The following UTP4 variants were observed in gnomAD, a reference collection of about 807,000 sequenced individuals.
The protein encoded by UTP4 is U3 small nucleolar RNA-associated protein 4 homolog.
UTP4 carries 45 observed loss-of-function variants against 82.4 expected under a neutral mutation model. That is an observed-to-expected ratio of 0.55 (90% CI 0.43 to 0.70). The LOEUF is 0.70. UTP4 is among the 30% of genes least tolerant of loss of function. The probability of loss-of-function intolerance (pLI) is 0.00; values close to 1 mark genes in which losing one functional copy is unlikely to be tolerated. For missense variants in UTP4, 819 were observed against 858.3 expected (o/e 0.95, Z 0.57); for synonymous variants, 348 against 300.3 (o/e 1.16, Z -1.64).
intron 14 of UTP4, among the ~76,000 whole-genome samples, chr16:69,163,880 G>GTTTTTTTTTTTTT (rs201368311): frequency 1.5e-5 from 2 of 132,600 alleles, no homozygotes; most frequent in Non-Finnish European, 1.6e-5. Context: ...TTGATGGTCA[G>GTTTTTTTTTTTTT]TTTGTTTTTT....
In UTP4 at chr16:69,166,886, T is replaced by C. The variant is rs191662319; in HGVS notation, c.1834-189T>C. 3,892 of 594,644 alleles carry C rather than the reference T, an allele frequency of 6.5e-3. 27 individuals carry two copies. The highest frequency in any genetic ancestry group is 8.4e-3 in the Non-Finnish European group (2,806 of 335,796). 36.8% of individuals were successfully genotyped at this position (594,644 alleles called of 1,614,324 possible). ...CCTCTCTCTCCTTTTCTTCTTTTTT[T>C]CCCCCCTAGTTTTTCTGAATAGAGG... On this transcript the variant is annotated intron_variant, in intron 15 of 16. Transcript: ENST00000314423.
Position 69,139,860 on chromosome 16 carries a change from A to G in UTP4, c.472A>G (p.Thr158Ala). Residue 158 changes from threonine (T) to alanine (A), a missense_variant, in exon 5 of 17, where the codon ACC (threonine) becomes GCC (alanine). Coordinates refer to ENST00000314423, the MANE Select transcript of UTP4 (RefSeq NM_032830.3). ...ILSLSWHPSG[T>A]HIAAGSIDYI... ...GAGTCTCAGCTGGCATCCCTCTGGT[A>G]CCCACATTGCAGCTGGTTCCATAGA... 2.5e-6 allele frequency: 4 copies of G among 1,613,884 alleles called. No homozygotes were observed. The highest frequency in any genetic ancestry group is 3.4e-6 in the Non-Finnish European group (4 of 1,179,880).
intron 8 of UTP4, among the ~76,000 whole-genome samples, chr16:69,151,625 C>CTT (rs35834911): frequency 6.9e-6 from 1 of 145,312 alleles, no homozygotes; most frequent in Non-Finnish European, 1.5e-5. Context: ...CAGCCCCTGC[C>CTT]TTTTTTTTTT....
In UTP4 at chr16:69,139,872, G is replaced by A; in HGVS notation, c.484G>A (p.Ala162Thr). The stretch of plus-strand genomic sequence containing the variant: ...GCATCCCTCTGGTACCCACATTGCA[G>A]CTGGTTCCATAGACTACATTAGTGT... ...SWHPSGTHIA[A>T]GSIDYISVFD... The change falls in exon 5 of 17, where the codon GCT becomes ACT. Residue 162 changes from alanine to threonine, a missense_variant. Physicochemically the swap from Ala to Thr is moderately conservative, Grantham distance 58. Transcript: ENST00000314423. 1.2e-6 allele frequency: 2 copies of A among 1,613,898 alleles called. No individual in the cohort carries two copies. Among genetic ancestry groups the A allele is most frequent in the Non-Finnish European group, 1.7e-6 (2 of 1,179,854 alleles).
In UTP4 at chr16:69,155,842, A is replaced by G. The variant is rs548641206; in HGVS notation, c.1165-29A>G. 111 of 1,613,950 alleles carry G rather than the reference A, an allele frequency of 6.9e-5. 2 individuals are homozygous for G. In the South Asian group the frequency reaches 1.1e-3, roughly 16 times the overall value. ...ACCTTGTTATGTGAAGTTTAATTGC[A>G]CATTCATCTTGATTCCTGATATTGC... is the stretch of plus-strand genomic sequence containing the variant. On this transcript the variant is annotated intron_variant, in intron 10 of 16. Transcript: ENST00000314423.
At chr16:69,150,738 T>C (rs760472594) in intron 7 of UTP4, 30 bp downstream of exon 7, 6 of 1,613,766 alleles carry the variant, frequency 3.7e-6, no homozygotes, top group Non-Finnish European at 5.1e-6. Context: ...AGGCTGCTGC[T>C]TTACCCTGCC....
intron 6 of UTP4, among the ~76,000 whole-genome samples, chr16:69,148,350 G>A (rs1963175563): frequency 6.6e-6 from 1 of 151,664 alleles, no homozygotes; most frequent in Non-Finnish European, 1.5e-5. Flanking sequence ...GCCCGCCTCG[G>A]CTTCCCAAAG....
At chr16:69,133,719 C>T (rs551332178) in intron 2 of UTP4, 101 bp downstream of exon 2, 10 of 1,245,568 alleles carry the variant, frequency 8.0e-6, no homozygotes, top group South Asian at 1.2e-5. Flanking sequence ...GAGTGACTTC[C>T]TAGCCCCTCT....
chr16:69,140,313 A>G (rs1165259484), intron 5 of UTP4, among the ~76,000 whole-genome samples: 2 of 152,208 alleles, frequency 1.3e-5, no homozygotes, highest in African/African-American at 4.8e-5. Context: ...GAGAACCATG[A>G]TATTTTCTGT....
Position 69,157,095 on chromosome 16 carries a change from G to T in UTP4, c.1299G>T (p.Met433Ile). 6.2e-7 allele frequency: 1 copy of T among 1,614,186 alleles called. No individual in the cohort carries two copies. The highest frequency in any genetic ancestry group is 1.1e-5 in the South Asian group (1 of 91,076). The change falls in exon 12 of 17, where the codon ATG becomes ATT. Residue 433 changes from methionine (M) to isoleucine (I), a missense_variant. By Grantham distance (10) the Met-to-Ile change is conservative. Transcript: ENST00000314423. ...DNISLKRVSK[M>I]PAFLRSALQI... ...TGGTTCACCCAAAGGTTTCCAAAAT[G>T]CCAGCATTCCTTCGCTCTGCCCTTC...
intron 8 of UTP4, 54 bp downstream of exon 8, chr16:69,150,958 C>T: frequency 1.5e-6 from 2 of 1,353,852 alleles, no homozygotes; most frequent in African/African-American, 1.4e-5. Flanking sequence ...TCCCTGTGTC[C>T]CCCTGTCCCA....
In UTP4 at chr16:69,143,338, G is replaced by A. The variant is rs1210142351; in HGVS notation, c.687G>A (p.Val229=). 1 of 1,614,176 alleles carries A rather than the reference G, an allele frequency of 6.2e-7. No individual in the cohort carries two copies. The highest frequency in any genetic ancestry group is 1.7e-5 in the Admixed American group (1 of 60,026). The change falls in exon 6 of 17, where the codon GTG becomes GTA. Residue 229 remains valine, a synonymous_variant. Coordinates refer to ENST00000314423, the MANE Select transcript of UTP4 (RefSeq NM_032830.3). ...GGGACTCAGCCACTGGGACGCTTGT[G>A]AAGAGCCATCTCATCGCTAATGCTG... ...QFWDSATGTL[V]KSHLIANADV... is the part of the protein sequence containing the mutation.
chr16:69,146,302 A>G (rs556477516), intron 6 of UTP4, among the ~76,000 whole-genome samples: 4 of 152,292 alleles, frequency 2.6e-5, no homozygotes, highest in South Asian at 4.1e-4. Flanking sequence ...TGTACTCATT[A>G]AACACTACCT....
At chr16:69,166,769 T>C (rs1963712834) in intron 15 of UTP4, 1 of 368,726 alleles carries the variant, frequency 2.7e-6, no homozygotes, top group Non-Finnish European at 5.0e-6. Flanking sequence ...AGAAGGGCCC[T>C]TTGATCTTGC....
At chr16:69,134,841 CCA>C (rs1962770219) in intron 2 of UTP4, among the ~76,000 whole-genome samples, 1 of 151,376 alleles carries the variant, frequency 6.6e-6, no homozygotes, top group South Asian at 2.1e-4. Context: ...AGGTGTGCCA[CCA>C]TGCCTCGCTA....
intron 14 of UTP4, among the ~76,000 whole-genome samples, chr16:69,163,982 T>A (rs545902539): frequency 6.7e-6 from 1 of 148,450 alleles, no homozygotes; most frequent in Non-Finnish European, 1.5e-5. Context: ...GCCTTCCGGG[T>A]TCATGTCATC....
chr16:69,148,314 G>A (rs575685951), intron 6 of UTP4, among the ~76,000 whole-genome samples: 1 of 150,754 alleles, frequency 6.6e-6, no homozygotes, highest in East Asian at 1.9e-4. Flanking sequence ...CCAGGCTGGT[G>A]TCTAACCCCT....
intron 11 of UTP4, 127 bp downstream of exon 11, chr16:69,156,120 G>T (rs1963405440): frequency 1.1e-6 from 1 of 942,122 alleles, no homozygotes. Context: ...ATTTGGAGAA[G>T]GCTGTTATGA....
In UTP4 at chr16:69,168,911, A is replaced by G. The variant is rs1358704379; in HGVS notation, c.2035A>G (p.Ile679Val). 1.2e-6 allele frequency: 2 copies of G among 1,613,354 alleles called. No homozygotes were observed. The highest frequency in any genetic ancestry group is 1.7e-6 in the Non-Finnish European group (2 of 1,179,398). Residue 679 changes from isoleucine (I) to valine (V), a missense_variant, in exon 17 of 17, where the codon ATT becomes GTT. Coordinates refer to ENST00000314423, the MANE Select transcript of UTP4 (RefSeq NM_032830.3). Reference sequence around the variant, plus strand: ...CATCATTGCTCAGCTCCCACCACCCATTAAAAAGAAGAAATTTGGAACCTA... The same window carrying G: ...CATCATTGCTCAGCTCCCACCACCCGTTAAAAAGAAGAAATTTGGAACCTA... ...DDIIAQLPPP[I>V]KKKKFGT is the part of the protein sequence containing the mutation.
Sources: allele counts gnomAD v4.1 joint callset (sites outside exome capture counted in the v4.1 genomes callset), GRCh38; gene constraint gnomAD v4.1.1; transcripts MANE v1.5; gene names NCBI Gene and HGNC (gene_info 2026-07-23, HGNC 2026-07-21).